Variants in TAFA1 observed in about 807,000 individuals in gnomAD.
The protein encoded by TAFA1 is TAFA chemokine like family member 1.
A neutral mutation model predicts 18.5 loss-of-function variants in TAFA1; 4 were observed. The ratio of observed to expected loss-of-function variants is 0.22; its 90% CI spans 0.11 to 0.49. TAFA1 has a LOEUF of 0.49. Ranked by LOEUF, TAFA1 falls within the 20% of genes least tolerant of loss-of-function variation. The pLI is 0.98. For synonymous variants in TAFA1, 56 were observed against 55.2 expected, an observed-to-expected ratio of 1.01 and a Z score of -0.06; for missense variants, 147 against 169.0, an observed-to-expected ratio of 0.87 and a Z score of 0.72.
At chr3:68,010,243 C>T (rs1704444405) in intron 2 of TAFA1, among the ~76,000 whole-genome samples, 2 of 152,316 alleles carry the variant, frequency 1.3e-5, no homozygotes, top group South Asian at 2.1e-4. Flanking sequence ...TCCCCAGCCT[C>T]TTACGGGCAC....
chr3:68,333,477 G>C (rs568211365), intron 2 of TAFA1, among the ~76,000 whole-genome samples: 8 of 152,260 alleles, frequency 5.3e-5, no homozygotes, highest in Admixed American at 3.9e-4. Context: ...ACCTACTTGA[G>C]TGTAGAGGGT....
intron 3 of TAFA1, among the ~76,000 whole-genome samples, chr3:68,427,674 A>G (rs1386187787): frequency 6.6e-6 from 1 of 151,822 alleles, no homozygotes; most frequent in African/African-American, 2.4e-5. Context: ...TACAAGTTCA[A>G]ACAACAAGAT....
chr3:68,444,254 T>A (rs2071435644), intron 3 of TAFA1, among the ~76,000 whole-genome samples: 1 of 152,188 alleles, frequency 6.6e-6, no homozygotes, highest in South Asian at 2.1e-4. Context: ...AGTGCTAGTC[T>A]TTTGGGTAAA....
chr3:68,002,811 C>G (rs1275201658), upstream of TAFA1, among the ~76,000 whole-genome samples: 3 of 152,160 alleles, frequency 2.0e-5, no homozygotes, highest in East Asian at 5.8e-4. Flanking sequence ...CCTGTCTCCT[C>G]TCACATTCCC....
chr3:68,268,647 C>A (rs1435284541), intron 2 of TAFA1, among the ~76,000 whole-genome samples: 1 of 152,126 alleles, frequency 6.6e-6, no homozygotes, highest in Non-Finnish European at 1.5e-5. Context: ...AAAACAGGGT[C>A]AAACGAAGCC....
chr3:68,497,197 A>G (rs1356068703), intron 3 of TAFA1, among the ~76,000 whole-genome samples: 2 of 152,166 alleles, frequency 1.3e-5, no homozygotes, highest in African/African-American at 4.8e-5. Flanking sequence ...TATGTTCTAG[A>G]TGCTTTATCA....
chr3:68,540,135 A>G (rs2073348469), intron 4 of TAFA1, among the ~76,000 whole-genome samples: 1 of 152,204 alleles, frequency 6.6e-6, no homozygotes, highest in African/African-American at 2.4e-5. Flanking sequence ...AACTAATGCT[A>G]CATAATACTA....
intron 2 of TAFA1, among the ~76,000 whole-genome samples, chr3:68,178,549 T>C (rs546593403): frequency 6.6e-6 from 1 of 152,042 alleles, no homozygotes; most frequent in Admixed American, 6.6e-5. Flanking sequence ...CAGGAGGAGG[T>C]ATGTATAAAA....
intron 1 of TAFA1, 34 bp from the exon 2 acceptor site, chr3:68,006,590 G>A (rs775639568): frequency 1.4e-5 from 21 of 1,477,388 alleles, no homozygotes; most frequent in Non-Finnish European, 1.8e-5. Flanking sequence ...GCTTGAAGCC[G>A]GAGGTAACCT....
chr3:68,288,742 A>G (rs2068060590), intron 2 of TAFA1, among the ~76,000 whole-genome samples: 1 of 152,204 alleles, frequency 6.6e-6, no homozygotes, highest in African/African-American at 2.4e-5. Flanking sequence ...ATTAAATGCT[A>G]CTGTATGGGC....
At chr3:67,999,466 G>C (rs1575567190), upstream of TAFA1, among the ~76,000 whole-genome samples, 2 of 152,150 alleles carry the variant, frequency 1.3e-5, no homozygotes, top group South Asian at 2.1e-4. Flanking sequence ...AAAGTAAGAG[G>C]CTAGACTAGG....
At chr3:68,325,861 G>A (rs551431256) in intron 2 of TAFA1, among the ~76,000 whole-genome samples, 1 of 152,272 alleles carries the variant, frequency 6.6e-6, no homozygotes, top group East Asian at 1.9e-4. Context: ...GGATTTGAGA[G>A]AGGTTAAATA....
chr3:68,092,337 T>A (rs1010224464), intron 2 of TAFA1, among the ~76,000 whole-genome samples: 1 of 152,066 alleles, frequency 6.6e-6, no homozygotes, highest in Non-Finnish European at 1.5e-5. Context: ...GGAAAATAGC[T>A]CAGTCAACAG....
At chr3:68,184,185 C>T (rs1333665491) in intron 2 of TAFA1, among the ~76,000 whole-genome samples, 7 of 151,978 alleles carry the variant, frequency 4.6e-5, no homozygotes, top group Non-Finnish European at 7.4e-5. Flanking sequence ...TGCGAATTTC[C>T]GTGAATAAGG....
intron 2 of TAFA1, among the ~76,000 whole-genome samples, chr3:68,373,123 G>A (rs1298398313): frequency 6.6e-6 from 1 of 152,178 alleles, no homozygotes; most frequent in African/African-American, 2.4e-5. Context: ...ACAGTGCCTG[G>A]CACATAGCAG....
At chr3:68,507,466 C>T (rs1358500255) in intron 3 of TAFA1, among the ~76,000 whole-genome samples, 1 of 152,096 alleles carries the variant, frequency 6.6e-6, no homozygotes, top group Admixed American at 6.6e-5. Flanking sequence ...AGGGCAAAAA[C>T]AGTTGATTAA....
intron 2 of TAFA1, among the ~76,000 whole-genome samples, chr3:68,333,804 A>G (rs1273619721): frequency 1.3e-5 from 2 of 152,212 alleles, no homozygotes; most frequent in Non-Finnish European, 2.9e-5. Context: ...GAATGAAGAA[A>G]TGGCATATTA....
intron 2 of TAFA1, among the ~76,000 whole-genome samples, chr3:68,007,146 T>A (rs2106768832): frequency 6.6e-6 from 1 of 152,320 alleles, no homozygotes; most frequent in East Asian, 1.9e-4. Context: ...CAAACTAACT[T>A]TGGAAGCAAG....
chr3:68,060,522 G>A (rs1025464768), intron 2 of TAFA1, among the ~76,000 whole-genome samples: 4 of 152,186 alleles, frequency 2.6e-5, no homozygotes, highest in South Asian at 2.1e-4. Flanking sequence ...GCAGAGAAGC[G>A]GACAGGTGTG....
Sources: allele counts gnomAD v4.1 joint callset (sites outside exome capture counted in the v4.1 genomes callset), GRCh38; gene constraint gnomAD v4.1.1; transcripts MANE v1.5; gene names NCBI Gene and HGNC (gene_info 2026-07-23, HGNC 2026-07-21).